The following MACROD2 variants were observed in gnomAD, a reference collection of about 807,000 sequenced individuals.
The protein encoded by MACROD2 is mono-ADP ribosylhydrolase 2, also known as ADP-ribose glycohydrolase MACROD2.
MACROD2 carries 36 observed loss-of-function variants against 70.4 expected under a neutral mutation model. The observed-to-expected ratio is 0.51, with a 90% CI of 0.39 to 0.68. MACROD2 has a LOEUF of 0.68. Among genes scored for constraint, MACROD2 ranks in the 30% least tolerant of loss-of-function variants. MACROD2 has a pLI of 0.00. For missense variants in MACROD2, 496 were observed against 538.4 expected (o/e 0.92, Z 0.78); for synonymous variants, 172 against 178.8 (o/e 0.96, Z 0.30).
At chr20:14,574,782 C>A (rs1160547162) in intron 4 of MACROD2, among the ~76,000 whole-genome samples, 1 of 149,856 alleles carries the variant, frequency 6.7e-6, no homozygotes, top group African/African-American at 2.4e-5. Flanking sequence ...GAGGCCGGGG[C>A]GGGTGGATCA....
chr20:14,803,714 C>T (rs1394072219), intron 5 of MACROD2, among the ~76,000 whole-genome samples: 4 of 152,046 alleles, frequency 2.6e-5, no homozygotes, highest in Non-Finnish European at 5.9e-5. Flanking sequence ...CCCCTGACCT[C>T]AGGCGATTCA....
intron 5 of MACROD2, among the ~76,000 whole-genome samples, chr20:15,102,944 T>G (rs1239099727): frequency 6.6e-6 from 1 of 152,108 alleles, no homozygotes; most frequent in Middle Eastern, 3.2e-3. Flanking sequence ...TTGACCAAAC[T>G]ATTTACATTA....
chr20:15,765,565 A>G (rs1447408946), intron 8 of MACROD2, among the ~76,000 whole-genome samples: 1 of 152,196 alleles, frequency 6.6e-6, no homozygotes, highest in Non-Finnish European at 1.5e-5. Context: ...GGGAAAGAAT[A>G]TTTTTATTTT....
chr20:15,925,639 G>A (rs1313303409), intron 10 of MACROD2, among the ~76,000 whole-genome samples: 2 of 152,112 alleles, frequency 1.3e-5, no homozygotes, highest in African/African-American at 4.8e-5. Context: ...TATTTGTTGA[G>A]CTCCTTATTG....
intron 5 of MACROD2, among the ~76,000 whole-genome samples, chr20:15,139,651 G>A (rs2076176936): frequency 6.6e-6 from 1 of 152,090 alleles, no homozygotes; most frequent in Admixed American, 6.6e-5. Context: ...ATGTGGATTT[G>A]CCCAATATTG....
intron 6 of MACROD2, among the ~76,000 whole-genome samples, chr20:15,337,659 A>G (rs967294430): frequency 6.6e-6 from 1 of 151,722 alleles, no homozygotes; most frequent in Non-Finnish European, 1.5e-5. Context: ...AATACAACAT[A>G]TTGTTAGTAA....
chr20:15,133,995 C>G (rs981601084), intron 5 of MACROD2, among the ~76,000 whole-genome samples: 18 of 148,292 alleles, frequency 1.2e-4, no homozygotes, highest in Admixed American at 7.4e-4. Flanking sequence ...GCAAGCTCTG[C>G]CTCCCGGGTC....
chr20:14,337,353 C>A, intron 3 of MACROD2: 1,262 of 223,674 alleles, frequency 5.6e-3, no homozygotes, highest in Middle Eastern at 0.012. Context: ...GAGAGTAAAA[C>A]CAAGCAAACT....
intron 2 of MACROD2, among the ~76,000 whole-genome samples, chr20:14,004,567 C>T (rs924637864): frequency 6.6e-6 from 1 of 152,156 alleles, no homozygotes; most frequent in African/African-American, 2.4e-5. Flanking sequence ...ATACAATACA[C>T]ATTTTTCATA....
At chr20:15,400,845 CACTG>C (rs1161650696) in intron 6 of MACROD2, among the ~76,000 whole-genome samples, 2 of 152,166 alleles carry the variant, frequency 1.3e-5, no homozygotes, top group African/African-American at 2.4e-5. Flanking sequence ...TACCAGAAAG[CACTG>C]ACTAAGAAAA....
intron 8 of MACROD2, among the ~76,000 whole-genome samples, chr20:15,669,605 T>G (rs190721283): frequency 3.3e-5 from 5 of 152,304 alleles, no homozygotes; most frequent in Admixed American, 2.0e-4. Context: ...GCCTAATATA[T>G]GATCCTCCTT....
chr20:14,542,179 C>A (rs2085441645), intron 4 of MACROD2, among the ~76,000 whole-genome samples: 1 of 152,180 alleles, frequency 6.6e-6, no homozygotes, highest in Admixed American at 6.5e-5. Context: ...GCCATCACAC[C>A]CTTTTGTCTT....
chr20:14,630,812 A>T (rs1011000155), intron 4 of MACROD2, among the ~76,000 whole-genome samples: 6 of 152,230 alleles, frequency 3.9e-5, no homozygotes, highest in Non-Finnish European at 8.8e-5. Flanking sequence ...TGCTTAGAAT[A>T]TCCTTTCAAG....
intron 6 of MACROD2, among the ~76,000 whole-genome samples, chr20:15,324,943 A>G (rs2077911891): frequency 6.6e-6 from 1 of 152,204 alleles, no homozygotes; most frequent in Non-Finnish European, 1.5e-5. Context: ...CTGTTTTTAA[A>G]GAATTCCTTC....
intron 5 of MACROD2, among the ~76,000 whole-genome samples, chr20:15,047,520 G>T (rs1435472009): frequency 6.6e-6 from 1 of 152,178 alleles, no homozygotes; most frequent in South Asian, 2.1e-4. Context: ...TTAAATGAAA[G>T]TGTTATTCTA....
chr20:15,424,561 T>C (rs1437985456), intron 6 of MACROD2, among the ~76,000 whole-genome samples: 1 of 151,910 alleles, frequency 6.6e-6, no homozygotes, highest in East Asian at 1.9e-4. Context: ...CTACAAAAAA[T>C]AAAAACAAAT....
At chr20:14,521,552 A>G (rs2085169443) in intron 4 of MACROD2, among the ~76,000 whole-genome samples, 1 of 152,180 alleles carries the variant, frequency 6.6e-6, no homozygotes, top group African/African-American at 2.4e-5. Context: ...CTGTATTCTT[A>G]ATACTTAGCA....
intron 6 of MACROD2, among the ~76,000 whole-genome samples, chr20:15,372,327 A>T (rs962614030): frequency 6.6e-6 from 1 of 152,212 alleles, no homozygotes; most frequent in African/African-American, 2.4e-5. Flanking sequence ...ACCTGTTTAC[A>T]TTCTCCTCAG....
intron 2 of MACROD2, among the ~76,000 whole-genome samples, chr20:14,026,044 T>C (rs2053159256): frequency 6.6e-6 from 1 of 152,214 alleles, no homozygotes; most frequent in Admixed American, 6.5e-5. Flanking sequence ...TGGGTTCATA[T>C]ATATTTAGCA....
Sources: allele counts gnomAD v4.1 joint callset (sites outside exome capture counted in the v4.1 genomes callset), GRCh38; gene constraint gnomAD v4.1.1; transcripts MANE v1.5; gene names NCBI Gene and HGNC (gene_info 2026-07-23, HGNC 2026-07-21).